The following CDH9 variants were observed in gnomAD, a reference collection of about 807,000 sequenced individuals.
CDH9 encodes the protein cadherin 9.
A neutral mutation model predicts 70.9 loss-of-function variants in CDH9; 28 were observed. The ratio of observed to expected loss-of-function variants is 0.40; its 90% CI spans 0.29 to 0.54. CDH9 has a LOEUF of 0.54. Ranked by LOEUF, CDH9 falls within the 20% of genes least tolerant of loss-of-function variation. The probability of loss-of-function intolerance (pLI) is 0.59; values close to 1 mark genes in which losing one functional copy is unlikely to be tolerated. For synonymous variants in CDH9, 409 were observed against 343.1 expected, an observed-to-expected ratio of 1.19 and a Z score of -2.12; for missense variants, 874 against 984.4, an observed-to-expected ratio of 0.89 and a Z score of 1.50.
At chr5:26,989,001 A>G (rs947562822) in intron 1 of CDH9, among the ~76,000 whole-genome samples, 7 of 152,042 alleles carry the variant, frequency 4.6e-5, no homozygotes, top group Non-Finnish European at 1.0e-4. Flanking sequence ...CAATTAATCT[A>G]GTAGGACACT....
intron 7 of CDH9, chr5:26,890,768 A>G (rs1406560753): frequency 1.2e-5 from 6 of 505,338 alleles, no homozygotes; most frequent in Admixed American, 1.0e-4. Context: ...ATATTATCCT[A>G]TGTGTACTTT....
intron 2 of CDH9, among the ~76,000 whole-genome samples, chr5:26,928,829 A>G (rs557481991): frequency 1.3e-5 from 2 of 152,248 alleles, no homozygotes; most frequent in South Asian, 4.1e-4. Context: ...CTCACCATAT[A>G]CAAAAATTAA....
intron 1 of CDH9, among the ~76,000 whole-genome samples, chr5:27,032,416 T>C (rs1046367644): frequency 6.6e-6 from 1 of 151,618 alleles, no homozygotes; most frequent in Non-Finnish European, 1.5e-5. Flanking sequence ...TTTTGGAAAA[T>C]TATGTATTGT....
At chr5:26,954,427 C>T (rs1420887428) in intron 2 of CDH9, among the ~76,000 whole-genome samples, 1 of 100,452 alleles carries the variant, frequency 1.0e-5, no homozygotes, top group African/African-American at 4.7e-5. Flanking sequence ...CTCTGTTGCC[C>T]AGGCTGGAGT....
In CDH9 at chr5:26,893,208, A is replaced by G. The variant is rs537279528; in HGVS notation, c.1254-2644T>C. Among the ~76,000 whole-genome samples, 9 of 152,334 alleles carry G rather than the reference A, an allele frequency of 5.9e-5. No homozygotes were observed. In the South Asian group the frequency reaches 1.9e-3, roughly 32 times the overall value. On this transcript the variant is annotated intron_variant, in intron 7 of 11. Coordinates refer to ENST00000231021, the MANE Select transcript of CDH9 (RefSeq NM_016279.4). ...GATCATAATTTTAACAATTTAATAT[A>G]GTACATGAAGATGCTTGCTTAATTT...
intron 2 of CDH9, among the ~76,000 whole-genome samples, chr5:26,931,588 T>C (rs1741463208): frequency 6.6e-6 from 1 of 151,770 alleles, no homozygotes; most frequent in African/African-American, 2.4e-5. Context: ...AAGAAAAAAA[T>C]TCAAGCTAAA....
rs375722497 is a variant in CDH9, at chr5:26,949,496, C to T, written c.229-33572G>A. ...AGCATGTCAGCACAAGACAACAAAA[C>T]TCTTAGTTATTCTCTCAGATCTGAC... On this transcript the variant is annotated intron_variant, in intron 2 of 11. Transcript: ENST00000231021. Among the ~76,000 whole-genome samples, 8 of 152,336 alleles carry T rather than the reference C, an allele frequency of 5.3e-5. No individual in the cohort carries two copies. The East Asian group carries it at 7.7e-4, about 15-fold the overall frequency.
At chr5:26,891,281 C>T (rs1740655548) in intron 7 of CDH9, among the ~76,000 whole-genome samples, 1 of 152,168 alleles carries the variant, frequency 6.6e-6, no homozygotes, top group Non-Finnish European at 1.5e-5. Context: ...TTGTTTTACA[C>T]AGCAAAAGTA....
chr5:26,935,449 C>T (rs968345231), intron 2 of CDH9, among the ~76,000 whole-genome samples: 1 of 152,108 alleles, frequency 6.6e-6, no homozygotes, highest in Non-Finnish European at 1.5e-5. Flanking sequence ...ATAAAACTCT[C>T]TTTGTGCACA....
intron 1 of CDH9, among the ~76,000 whole-genome samples, chr5:27,019,615 C>A (rs1327211836): frequency 6.6e-6 from 1 of 151,656 alleles, no homozygotes. Flanking sequence ...CATGGTAAAG[C>A]TTTTGCATAT....
At position 26,950,039 on chromosome 5, in the gene CDH9, G is replaced by C. The variant is rs1216450431; in HGVS notation, c.229-34115C>G. On this transcript the variant is annotated intron_variant, in intron 2 of 11. Coordinates refer to ENST00000231021, the MANE Select transcript of CDH9 (RefSeq NM_016279.4). ...AACTTAAGTGTAGTGGGACATCAGA[G>C]TGAATTGGGGCTTTAATCATTTTTT... Among the ~76,000 whole-genome samples the C allele has an allele frequency of 2.0e-5, 3 of 152,186 alleles. No individual in the cohort carries two copies. In the East Asian group the frequency reaches 5.8e-4, roughly 29 times the overall value.
chr5:26,911,956 G>A (rs1188892703), intron 3 of CDH9, among the ~76,000 whole-genome samples: 1 of 151,932 alleles, frequency 6.6e-6, no homozygotes, highest in East Asian at 1.9e-4. Flanking sequence ...TGGTAAGAGA[G>A]AAGAAGAAGA....
chr5:26,992,332 T>C (rs1161205991), intron 1 of CDH9, among the ~76,000 whole-genome samples: 2 of 152,124 alleles, frequency 1.3e-5, no homozygotes, highest in African/African-American at 4.8e-5. Flanking sequence ...GAGTTGATTA[T>C]GTCATGGAGG....
chr5:26,882,249 T>C (rs1211306801), intron 11 of CDH9, among the ~76,000 whole-genome samples: 1 of 152,028 alleles, frequency 6.6e-6, no homozygotes, highest in Non-Finnish European at 1.5e-5. Context: ...AGTTACAATA[T>C]AAAACTCAAA....
intron 2 of CDH9, among the ~76,000 whole-genome samples, chr5:26,978,698 A>G (rs760319613): frequency 2.6e-5 from 4 of 151,894 alleles, no homozygotes; most frequent in Non-Finnish European, 4.4e-5. Flanking sequence ...TTAGGTATCA[A>G]ATTAAGAATA....
At chr5:26,982,683 T>A (rs1366458) in intron 2 of CDH9, among the ~76,000 whole-genome samples, 71,398 of 151,192 alleles carry the variant, frequency 0.47, 17,608 homozygotes, top group African/African-American at 0.51. Flanking sequence ...GTTTTTTTTG[T>A]TTTTTTGTTT....
In CDH9 at chr5:26,881,004, A is replaced by G; in HGVS notation, c.*132T>C. 2.7e-6 allele frequency: 2 copies of G among 752,652 alleles called. No homozygotes were observed. The highest frequency in any genetic ancestry group is 4.0e-5 in the South Asian group (2 of 49,442). 46.6% of individuals were successfully genotyped at this position (752,652 alleles called of 1,614,324 possible). ...AGACTTACTGATTAAGCAAATCCCTACTTGACAACATCTACGTATTGTTTG... is the reference window on the plus strand; with the variant it reads ...AGACTTACTGATTAAGCAAATCCCTGCTTGACAACATCTACGTATTGTTTG... On this transcript the variant is annotated 3_prime_UTR_variant, in exon 12 of 12. Coordinates refer to ENST00000231021, the MANE Select transcript of CDH9 (RefSeq NM_016279.4).
intron 11 of CDH9, among the ~76,000 whole-genome samples, chr5:26,882,212 C>T (rs1019684472): frequency 1.3e-5 from 2 of 152,072 alleles, no homozygotes; most frequent in East Asian, 3.9e-4. Context: ...TTATAGGAGG[C>T]TTAGAAAGCT....
chr5:26,958,325 C>A (rs1741979102), intron 2 of CDH9, among the ~76,000 whole-genome samples: 1 of 152,118 alleles, frequency 6.6e-6, no homozygotes, highest in Non-Finnish European at 1.5e-5. Flanking sequence ...CGGTTTGTAT[C>A]CAAATTGAAA....
Sources: allele counts gnomAD v4.1 joint callset (sites outside exome capture counted in the v4.1 genomes callset), GRCh38; gene constraint gnomAD v4.1.1; transcripts MANE v1.5; gene names NCBI Gene and HGNC (gene_info 2026-07-23, HGNC 2026-07-21).